The following ZNF24 variants were observed in gnomAD, a reference collection of about 807,000 sequenced individuals.
ZNF24 encodes retinoic acid suppression protein A.
A neutral mutation model predicts 40.9 loss-of-function variants in ZNF24; 11 were observed. That is an observed-to-expected ratio of 0.27 (90% confidence interval 0.17 to 0.45). ZNF24 has a LOEUF of 0.45. Ranked by LOEUF, ZNF24 falls within the 20% of genes least tolerant of loss-of-function variation. The pLI is 1.00. For synonymous variants in ZNF24, 139 were observed against 154.7 expected (o/e 0.90, Z 0.75); for missense variants, 293 against 437.7 (o/e 0.67, Z 2.95).
rs1373883655 is a variant in ZNF24, at chr18:35,334,976, CTACT to C, written c.*2252_*2255del. The C allele has an allele frequency of 6.6e-6, 1 of 152,182 alleles. No homozygotes were observed. The highest frequency in any genetic ancestry group is 1.9e-4 in the East Asian group (1 of 5,194). 9.4% of individuals were successfully genotyped at this position (152,182 alleles called of 1,614,324 possible). On this transcript the variant is annotated 3_prime_UTR_variant, in exon 4 of 4. Coordinates refer to ENST00000261332, the MANE Select transcript of ZNF24 (RefSeq NM_006965.4). Reference sequence around the variant, plus strand: ...AAAACAGTATTTGCCAACCCTCATACTACTTTTTCTACACTCACATTACCAAATA... The same window carrying C: ...AAAACAGTATTTGCCAACCCTCATACTTTTCTACACTCACATTACCAAATA...
At position 35,340,321 on chromosome 18, in the gene ZNF24, A is replaced by C; in HGVS notation, c.330T>G (p.Thr110=). The change falls in exon 2 of 4, where the codon ACT becomes ACG. Residue 110 remains threonine (T), a synonymous_variant. Transcript: ENST00000261332. This position sits in a 1 kb window ranked among gnomAD's most constrained non-coding sequence, Gnocchi z 4.6. ...FVAILPKELQ[T]WVRDHHPENG... ...TCTCTGGATGATGATCTCGAACCCA[A>C]GTCTGTAGCTCTTTGGGTAGGATGG... is the stretch of plus-strand genomic sequence containing the variant. 2 of 1,614,192 alleles carry C rather than the reference A, an allele frequency of 1.2e-6. No individual in the cohort carries two copies. The highest frequency in any genetic ancestry group is 2.2e-5 in the South Asian group (2 of 91,084).
In ZNF24 at chr18:35,335,985, C is replaced by T. The variant is rs1019377431; in HGVS notation, c.*1247G>A. ...GGAGAGCCAGCTAGCTCTTTTGAGC[C>T]GAGTCCTCCTCCCCCTCCAAATACA... On this transcript the variant is annotated 3_prime_UTR_variant, in exon 4 of 4. Transcript: ENST00000261332. The T allele has an allele frequency of 2.6e-5, 4 of 152,204 alleles. No homozygotes were observed. Among genetic ancestry groups the T allele is most frequent in the South Asian group, 2.1e-4 (1 of 4,814 alleles). The allele number at this position is 152,204 out of a possible 1,614,324, so 9.4% of individuals were successfully genotyped here.
chr18:35,341,146 A>G (rs2044965146), intron 1 of ZNF24, among the ~76,000 whole-genome samples: 2 of 139,056 alleles, frequency 1.4e-5, no homozygotes, highest in South Asian at 4.6e-4. Flanking sequence ...AGCAGAGTTG[A>G]GTAGTTTCAA....
chr18:35,337,529 T>C lies in ZNF24; in HGVS notation c.810A>G (p.Gln270=). ...FSQGSALILH[Q]RIHSGEKPYG... ...AAGGTTTCTCCCCACTGTGAATTCT[T>C]TGATGAAGAATAAGGGCTGAGCCCT... Residue 270 remains glutamine, a synonymous_variant, in exon 4 of 4, where the codon CAA becomes CAG. Coordinates refer to ENST00000261332, the MANE Select transcript of ZNF24 (RefSeq NM_006965.4). 1 of 1,614,200 alleles carries C rather than the reference T, an allele frequency of 6.2e-7. No homozygotes were observed. The highest frequency in any genetic ancestry group is 1.3e-5 in the African/African-American group (1 of 75,070).
At position 35,340,709 on chromosome 18, in the gene ZNF24, T is replaced by C; in HGVS notation, c.-59A>G. 6.6e-7 allele frequency: 1 copy of C among 1,511,286 alleles called. No homozygotes were observed. Among genetic ancestry groups the C allele is most frequent in the Non-Finnish European group, 8.9e-7 (1 of 1,122,648 alleles). The allele number at this position is 1,511,286 out of a possible 1,614,324, so 93.6% of individuals were successfully genotyped here. On this transcript the variant is annotated 5_prime_UTR_variant, in exon 2 of 4. Coordinates refer to ENST00000261332, the MANE Select transcript of ZNF24 (RefSeq NM_006965.4). This position sits in a 1 kb window ranked among gnomAD's most constrained non-coding sequence, Gnocchi z 4.6. The stretch of plus-strand genomic sequence containing the variant: ...AGGCAGAATATAAGCCTCAGGGCAA[T>C]ACCCCGTTTTCTTCACAGGCACTCC...
chr18:35,340,259 T>C lies in ZNF24; in HGVS notation c.392A>G (p.Glu131Gly). ...TTGTCCAGGGTCATCAAGTTCACTC[T>C]CCAAATCCTCCAGCACTGTCACTGC... ...EEAVTVLEDL[E>G]SELDDPGQPV... The change falls in exon 2 of 4, where the codon GAG (glutamate) becomes GGG (glycine). Residue 131 changes from glutamate to glycine, a missense_variant. Coordinates refer to ENST00000261332, the MANE Select transcript of ZNF24 (RefSeq NM_006965.4). The surrounding 1 kb of genome is among the most constrained non-coding windows in gnomAD (Gnocchi z 4.6). 1.2e-6 allele frequency: 2 copies of C among 1,613,964 alleles called. No individual in the cohort carries two copies. The highest frequency in any genetic ancestry group is 1.7e-6 in the Non-Finnish European group (2 of 1,179,826).
chr18:35,332,403 A>G lies in ZNF24; in HGVS notation c.*4829T>C, dbSNP rs1289599162. The G allele has an allele frequency of 1.3e-5, 2 of 152,292 alleles. No individual in the cohort carries two copies. Among genetic ancestry groups the G allele is most frequent in the East Asian group, 3.8e-4 (2 of 5,200 alleles). The allele number at this position is 152,292 out of a possible 1,614,324, so 9.4% of individuals were successfully genotyped here. On this transcript the variant is annotated 3_prime_UTR_variant, in exon 4 of 4. Transcript: ENST00000261332. The stretch of plus-strand genomic sequence containing the variant: ...GGACTTTATTGGCTCACAAAACTTT[A>G]AAGTCCGGAGGTAGGGCAGGCTTTA...
rs1234935262 is a variant in ZNF24 at position 35,335,582 on chromosome 18, G to T, written c.*1650C>A. 1.3e-5 allele frequency: 2 copies of T among 151,908 alleles called. No homozygotes were observed. Among genetic ancestry groups the T allele is most frequent in the Non-Finnish European group, 2.9e-5 (2 of 67,986 alleles). The allele number at this position is 151,908 out of a possible 1,614,324, so 9.4% of individuals were successfully genotyped here. ...CTAGGAAATATTTGTATTCACATGG[G>T]TCATTTTCCACACAATGATGCCCAT... On this transcript the variant is annotated 3_prime_UTR_variant, in exon 4 of 4. Transcript: ENST00000261332.
At position 35,337,327 on chromosome 18, in the gene ZNF24, C is replaced by T. The variant is rs750695059; in HGVS notation, c.1012G>A (p.Val338Ile). The T allele has an allele frequency of 2.0e-5, 33 of 1,612,854 alleles. No homozygotes were observed. The highest frequency in any genetic ancestry group is 3.3e-4 in the Middle Eastern group (2 of 6,082). Residue 338 changes from valine to isoleucine, a missense_variant, in exon 4 of 4, where the codon GTT (valine) becomes ATT (isoleucine). This residue lies in a region of ZNF24 where 59 missense variants were observed against 138.6 expected (regional missense o/e 0.43). Coordinates refer to ENST00000261332, the MANE Select transcript of ZNF24 (RefSeq NM_006965.4). ...TGACTATACGATTTCCCACACTGAA[C>T]GCATTCATAAGGTTTCTCCCCAGTA... ...IHTGEKPYEC[V>I]QCGKSYSQSS...
chr18:35,339,565 G>A (rs1263581758), intron 3 of ZNF24, among the ~76,000 whole-genome samples: 1 of 152,188 alleles, frequency 6.6e-6, no homozygotes, highest in Non-Finnish European at 1.5e-5. Flanking sequence ...GTCCATGGGT[G>A]GGTGCTGGCT....
rs1359458424 is a variant in ZNF24, at chr18:35,333,450, G to C, written c.*3782C>G. 1 of 152,096 alleles carries C rather than the reference G, an allele frequency of 6.6e-6. No individual in the cohort carries two copies. The highest frequency in any genetic ancestry group is 1.5e-5 in the Non-Finnish European group (1 of 68,030). 9.4% of individuals were successfully genotyped at this position (152,096 alleles called of 1,614,324 possible). A position where few individuals can be genotyped will look rare whatever the true frequency, so the allele number is the denominator to read the frequency against. On this transcript the variant is annotated 3_prime_UTR_variant, in exon 4 of 4. Coordinates refer to ENST00000261332, the MANE Select transcript of ZNF24 (RefSeq NM_006965.4). ...AAAGGGTCTCTCTATTCAAAGAACTGTGTTTTTTATACAATGAGAAGGTAG... is the reference window on the plus strand; with the variant it reads ...AAAGGGTCTCTCTATTCAAAGAACTCTGTTTTTTATACAATGAGAAGGTAG...
intron 1 of ZNF24, among the ~76,000 whole-genome samples, chr18:35,343,282 A>C (rs1289689978): frequency 6.6e-6 from 1 of 152,184 alleles, no homozygotes. Flanking sequence ...TTAATCACAG[A>C]AACTTCTATT....
chr18:35,343,047 T>TA (rs1219864360), intron 1 of ZNF24, among the ~76,000 whole-genome samples: 2 of 152,182 alleles, frequency 1.3e-5, no homozygotes, highest in Non-Finnish European at 2.9e-5. Flanking sequence ...ATTATGTGCT[T>TA]AAAAAAATTT....
chr18:35,339,003 T>G, intron 3 of ZNF24: 1 of 1,534,994 alleles, frequency 6.5e-7, no homozygotes, highest in Non-Finnish European at 8.7e-7. Context: ...CCCTCAGATG[T>G]GAAGAAAACC....
intron 3 of ZNF24, 69 bp downstream of exon 3, chr18:35,339,760 A>G: frequency 7.2e-7 from 1 of 1,395,596 alleles, no homozygotes; most frequent in Non-Finnish European, 9.6e-7. Flanking sequence ...AGTGAGAACA[A>G]GCAAAGTTCT....
At chr18:35,341,594 G>A (rs1007195313) in intron 1 of ZNF24, among the ~76,000 whole-genome samples, 2 of 152,186 alleles carry the variant, frequency 1.3e-5, no homozygotes, top group Non-Finnish European at 2.9e-5. Context: ...CTCCATGTAT[G>A]TTACTGCTCC....
chr18:35,340,021 A>C lies in ZNF24; in HGVS notation c.421-45T>G. The stretch of plus-strand genomic sequence containing the variant: ...ATTCAGAGAAGGAACTGTAATGAGA[A>C]TCAGAACTAAAAACACGTAAGAGAA... On this transcript the variant is annotated intron_variant, in intron 2 of 3. Transcript: ENST00000261332. The surrounding 1 kb of genome is among the most constrained non-coding windows in gnomAD (Gnocchi z 4.6). 1 of 1,581,094 alleles carries C rather than the reference A, an allele frequency of 6.3e-7. No homozygotes were observed. Among genetic ancestry groups the C allele is most frequent in the Non-Finnish European group, 8.6e-7 (1 of 1,157,866 alleles).
intron 3 of ZNF24, chr18:35,339,033 G>A: frequency 6.5e-7 from 1 of 1,535,906 alleles, no homozygotes. Flanking sequence ...CTCATTCAGT[G>A]GCATACCAGC....
At position 35,340,474 on chromosome 18, in the gene ZNF24, T is replaced by G. The variant is rs929319020; in HGVS notation, c.177A>C (p.Gly59=). Residue 59 remains glycine, a synonymous_variant, in exon 2 of 4, where the codon GGA becomes GGC. Transcript: ENST00000261332. The surrounding 1 kb of genome is among the most constrained non-coding windows in gnomAD (Gnocchi z 4.6). Reference sequence around the variant, plus strand: ...CACGGGGCCCAGGTGAATCCTGGTATCCAAACTGCCTGAATCGCTGTCGGA... The same window carrying G: ...CACGGGGCCCAGGTGAATCCTGGTAGCCAAACTGCCTGAATCGCTGTCGGA... The part of the protein sequence containing the change: ...EIFRQRFRQF[G]YQDSPGPREA... The G allele has an allele frequency of 6.2e-7, 1 of 1,614,128 alleles. No homozygotes were observed. Among genetic ancestry groups the G allele is most frequent in the African/African-American group, 1.3e-5 (1 of 74,938 alleles).
Sources: gnomAD v4.1 joint callset for allele counts (sites outside exome capture counted in the v4.1 genomes callset) on GRCh38, gnomAD v4.1.1 for gene constraint, gnomAD v4.1.1 regional missense constraint, Gnocchi (gnomAD v3.1) non-coding constraint, MANE v1.5 for transcripts, NCBI Gene and HGNC (gene_info 2026-07-23, HGNC 2026-07-21) for gene names.